RTN1: variants seen among roughly 807,000 people sequenced by gnomAD.
RTN1 encodes reticulon-1.
Under a neutral mutation model 65.5 loss-of-function variants are expected in RTN1, and 25 were observed. The ratio of observed to expected loss-of-function variants is 0.38; its 90% CI spans 0.28 to 0.53. RTN1 has a LOEUF of 0.53. Among genes scored for constraint, RTN1 ranks in the 20% least tolerant of loss-of-function variants. The pLI is 0.79. For synonymous variants in RTN1, 471 were observed against 447.6 expected (o/e 1.05, Z -0.66); for missense variants, 983 against 1,025.4 (o/e 0.96, Z 0.57).
chr14:59,834,180 A>G (rs1887174931), intron 1 of RTN1, among the ~76,000 whole-genome samples: 1 of 152,358 alleles, frequency 6.6e-6, no homozygotes, highest in Non-Finnish European at 1.5e-5. Context: ...AGATGAACTT[A>G]TAACCATATC....
At position 59,716,101 on chromosome 14, in the gene RTN1, A is replaced by T. The variant is rs1404122650; in HGVS notation, c.1765+10818T>A. Among the ~76,000 whole-genome samples the T allele has an allele frequency of 3.9e-5, 6 of 152,348 alleles. No homozygotes were observed. In the East Asian group the frequency reaches 1.2e-3, roughly 29 times the overall value. Reference sequence around the variant, plus strand: ...AACACTTGAACTAGCTGCCTATATTATATAGCATTATAAAACTATTTACAT... The same window carrying T: ...AACACTTGAACTAGCTGCCTATATTTTATAGCATTATAAAACTATTTACAT... On this transcript the variant is annotated intron_variant, in intron 3 of 8. Transcript: ENST00000267484.
In RTN1 at chr14:59,766,267, C is replaced by G. The variant is rs1043123686; in HGVS notation, c.242-19786G>C. ...CATTAACAATTACCTAGAATTTAAT[C>G]TGTGCCTCAACACAAGGTAGTTTTC... On this transcript the variant is annotated intron_variant, in intron 1 of 8. Coordinates refer to ENST00000267484, the MANE Select transcript of RTN1 (RefSeq NM_021136.3). The surrounding 1 kb of genome is among the most constrained non-coding windows in gnomAD (Gnocchi z 4.4). 3.3e-5 allele frequency among the ~76,000 whole-genome samples: 5 copies of G among 151,976 alleles called. No homozygotes were observed. The highest frequency in any genetic ancestry group is 1.2e-4 in the African/African-American group (5 of 41,358).
intron 3 of RTN1, among the ~76,000 whole-genome samples, chr14:59,716,799 A>C (rs1484272537): frequency 6.6e-6 from 1 of 151,016 alleles, no homozygotes; most frequent in Non-Finnish European, 1.5e-5. Flanking sequence ...CTACTAAAAA[A>C]ATACAAAAAA....
chr14:59,740,874 T>G (rs781727735), intron 2 of RTN1, among the ~76,000 whole-genome samples: 2 of 152,150 alleles, frequency 1.3e-5, no homozygotes, highest in East Asian at 1.9e-4. Flanking sequence ...AGACTGACAC[T>G]GCAAAGCTAG....
At chr14:59,763,670 C>G (rs34456481) in intron 1 of RTN1, among the ~76,000 whole-genome samples, 51,632 of 151,044 alleles carry the variant, frequency 0.34, 8,986 homozygotes, top group Middle Eastern at 0.44. Context: ...GTACCTGGGA[C>G]TACAGGCACC....
At chr14:59,760,579 C>G (rs1040221041) in intron 1 of RTN1, among the ~76,000 whole-genome samples, 1 of 152,106 alleles carries the variant, frequency 6.6e-6, no homozygotes, top group African/African-American at 2.4e-5. Context: ...ATGATGGGAA[C>G]CCCCAGCCCA....
chr14:59,750,454 T>TATATATCTATAATATATAATATATCTATA (rs1885472020), intron 1 of RTN1, among the ~76,000 whole-genome samples: 1 of 59,686 alleles, frequency 1.7e-5, no homozygotes, highest in African/African-American at 7.7e-5. Flanking sequence ...ATATCTATAA[T>TATATATCTATAATATATAATATATCTATA]ATATATATCT....
intron 2 of RTN1, among the ~76,000 whole-genome samples, chr14:59,743,360 A>G (rs143488312): frequency 1.3e-5 from 2 of 152,306 alleles, no homozygotes; most frequent in African/African-American, 4.8e-5. Flanking sequence ...GCATTTCACT[A>G]TTCCTGAGGA....
chr14:59,695,420 C>G (rs1038006117), intron 3 of RTN1, among the ~76,000 whole-genome samples: 3 of 152,146 alleles, frequency 2.0e-5, no homozygotes, highest in Admixed American at 1.3e-4. Flanking sequence ...TGAGCAGAAG[C>G]CTAAACGTGA....
intron 2 of RTN1, among the ~76,000 whole-genome samples, chr14:59,735,459 C>T (rs1289358475): frequency 1.3e-5 from 2 of 152,134 alleles, no homozygotes; most frequent in Non-Finnish European, 1.5e-5. Flanking sequence ...AATAAAGAAC[C>T]AAGACCCATT....
At chr14:59,684,888 T>C (rs1047491685) in intron 3 of RTN1, among the ~76,000 whole-genome samples, 2 of 152,040 alleles carry the variant, frequency 1.3e-5, no homozygotes, top group African/African-American at 4.8e-5. Flanking sequence ...TGATGAGAAA[T>C]ATAATACGTG....
intron 1 of RTN1, among the ~76,000 whole-genome samples, chr14:59,772,203 T>C (rs1885972081): frequency 1.3e-5 from 2 of 152,350 alleles, no homozygotes; most frequent in South Asian, 4.1e-4. Flanking sequence ...TATAATGTAA[T>C]TGGCTTTTAA....
intron 5 of RTN1, chr14:59,604,965 G>C (rs961497968): frequency 1.9e-5 from 3 of 154,034 alleles, no homozygotes; most frequent in Admixed American, 6.5e-5. Flanking sequence ...AGAATCTAGA[G>C]TTTCCTTCAA....
At chr14:59,718,522 C>G (rs541186957) in intron 3 of RTN1, among the ~76,000 whole-genome samples, 1 of 152,280 alleles carries the variant, frequency 6.6e-6, no homozygotes, top group African/African-American at 2.4e-5. Context: ...TAATCCCTAC[C>G]TATCTCACTA....
chr14:59,640,450 G>A (rs1379535355), intron 3 of RTN1, among the ~76,000 whole-genome samples: 1 of 152,112 alleles, frequency 6.6e-6, no homozygotes, highest in Non-Finnish European at 1.5e-5. Flanking sequence ...TTGAGTAGCT[G>A]GGACTACAGG....
chr14:59,635,041 A>G (rs892990411), intron 3 of RTN1, among the ~76,000 whole-genome samples: 16 of 152,188 alleles, frequency 1.1e-4, no homozygotes. Context: ...TCCAGAAATG[A>G]TAAATTCTAG....
At chr14:59,819,784 C>T (rs1015091483) in intron 1 of RTN1, among the ~76,000 whole-genome samples, 4 of 152,120 alleles carry the variant, frequency 2.6e-5, no homozygotes, top group African/African-American at 7.2e-5. Flanking sequence ...CTGGGGGACC[C>T]GGTGCATCCT....
At chr14:59,837,396 T>C (rs1275025114) in intron 1 of RTN1, among the ~76,000 whole-genome samples, 1 of 151,974 alleles carries the variant, frequency 6.6e-6, no homozygotes, top group Non-Finnish European at 1.5e-5. Context: ...ACTGAGGTTT[T>C]TAAATGTAAA....
intron 1 of RTN1, among the ~76,000 whole-genome samples, chr14:59,758,352 C>T (rs1383847509): frequency 6.6e-6 from 1 of 152,150 alleles, no homozygotes; most frequent in Non-Finnish European, 1.5e-5. Context: ...CTTCTGTGAC[C>T]ATCTTTGCCC....
Sources: gnomAD v4.1 joint callset for allele counts (sites outside exome capture counted in the v4.1 genomes callset) on GRCh38, gnomAD v4.1.1 for gene constraint, Gnocchi (gnomAD v3.1) non-coding constraint, MANE v1.5 for transcripts, NCBI Gene and HGNC (gene_info 2026-07-23, HGNC 2026-07-21) for gene names.